The following RPS6KC1 variants were observed in gnomAD, a reference collection of about 807,000 sequenced individuals.
RPS6KC1 encodes the protein inactive ribosomal protein S6 kinase delta-1.
Under a neutral mutation model 103.8 loss-of-function variants are expected in RPS6KC1, and 54 were observed. That is an observed-to-expected ratio of 0.52 (90% CI 0.42 to 0.65). The LOEUF (loss-of-function observed/expected upper bound fraction) is 0.65. Ranked by LOEUF, RPS6KC1 falls within the 30% of genes least tolerant of loss-of-function variation. The pLI, the probability that RPS6KC1 is intolerant of heterozygous loss-of-function variation, is 0.00. For synonymous variants in RPS6KC1, 439 were observed against 438.7 expected (o/e 1.00, Z -0.01); for missense variants, 1,151 against 1,253.8 (o/e 0.92, Z 1.24).
At chr1:213,170,586 A>G (rs1314722857) in intron 7 of RPS6KC1, among the ~76,000 whole-genome samples, 1 of 152,244 alleles carries the variant, frequency 6.6e-6, no homozygotes, top group Non-Finnish European at 1.5e-5. Flanking sequence ...CAGAAAGGAT[A>G]AAAAGGAGTG....
At chr1:213,450,393 A>G in the RPS6KC1 span, among the ~76,000 whole-genome samples, 2 of 149,910 alleles carry the variant, frequency 1.3e-5, no homozygotes, top group Admixed American at 1.3e-4. Flanking sequence ...CCCGCAAATT[A>G]GCACCATTGG....
At chr1:213,304,397 AAAG>A in the RPS6KC1 span, among the ~76,000 whole-genome samples, 1 of 152,140 alleles carries the variant, frequency 6.6e-6, no homozygotes, top group Non-Finnish European at 1.5e-5. Flanking sequence ...AGAAACTTTC[AAAG>A]AAGAAACAAA....
At chr1:213,640,524 T>C in the RPS6KC1 span, among the ~76,000 whole-genome samples, 1 of 151,846 alleles carries the variant, frequency 6.6e-6, no homozygotes, top group East Asian at 1.9e-4. Flanking sequence ...CTCTTTCTAA[T>C]ACCATATAGG....
chr1:213,452,114 AC>A, the RPS6KC1 span, among the ~76,000 whole-genome samples: 1 of 152,226 alleles, frequency 6.6e-6, no homozygotes, highest in East Asian at 1.9e-4. Context: ...GTTCCCTCAC[AC>A]TTTTGAATCT....
chr1:213,343,361 G>A, the RPS6KC1 span, among the ~76,000 whole-genome samples: 2 of 31,938 alleles, frequency 6.3e-5, no homozygotes, highest in Non-Finnish European at 2.3e-4. Context: ...GCTGAAGAGA[G>A]GAGCTTAAAC....
the RPS6KC1 span, among the ~76,000 whole-genome samples, chr1:213,297,057 A>C: frequency 6.6e-6 from 1 of 152,158 alleles, no homozygotes; most frequent in Non-Finnish European, 1.5e-5. Flanking sequence ...CTCACAAACC[A>C]ACCAAAGCAG....
At chr1:213,359,375 C>A in the RPS6KC1 span, among the ~76,000 whole-genome samples, 1 of 152,126 alleles carries the variant, frequency 6.6e-6, no homozygotes, top group African/African-American at 2.4e-5. Flanking sequence ...ACTAGGATTG[C>A]AACCCTTGCC....
the RPS6KC1 span, among the ~76,000 whole-genome samples, chr1:213,460,555 T>C: frequency 6.6e-6 from 1 of 152,166 alleles, no homozygotes; most frequent in Non-Finnish European, 1.5e-5. Flanking sequence ...TGCCAGTCTA[T>C]GTCTTTTAAT....
At chr1:213,132,118 G>T (rs1053616160) in intron 6 of RPS6KC1, among the ~76,000 whole-genome samples, 14 of 152,168 alleles carry the variant, frequency 9.2e-5, no homozygotes, top group Non-Finnish European at 1.5e-5. Context: ...TAGTTACTTT[G>T]CTGATTATGG....
chr1:213,137,799 A>ATATAT (rs1572765998), intron 6 of RPS6KC1, among the ~76,000 whole-genome samples: 2 of 13,998 alleles, frequency 1.4e-4, no homozygotes, highest in African/African-American at 3.7e-4. Flanking sequence ...ATATATATAT[A>ATATAT]TTTTTTTTTT....
At chr1:213,392,321 C>T in the RPS6KC1 span, among the ~76,000 whole-genome samples, 14 of 152,048 alleles carry the variant, frequency 9.2e-5, no homozygotes, top group Admixed American at 2.0e-4. Flanking sequence ...AATAGTAACA[C>T]AGCACCTACA....
the RPS6KC1 span, among the ~76,000 whole-genome samples, chr1:213,635,672 G>C: frequency 9.9e-5 from 15 of 152,072 alleles, no homozygotes; most frequent in Non-Finnish European, 1.8e-4. Flanking sequence ...ATACTGAATG[G>C]GCAAAAACTG....
the RPS6KC1 span, among the ~76,000 whole-genome samples, chr1:213,285,114 C>T: frequency 2.6e-5 from 4 of 152,178 alleles, no homozygotes; most frequent in Non-Finnish European, 4.4e-5. Flanking sequence ...CTCACAGTTG[C>T]GGAGTCTGCA....
chr1:213,716,108 T>C, the RPS6KC1 span, among the ~76,000 whole-genome samples: 11 of 152,348 alleles, frequency 7.2e-5, no homozygotes, highest in South Asian at 2.3e-3. Context: ...CACATCACTA[T>C]ATCAAAGAAT....
At chr1:213,573,618 CTTAT>C in the RPS6KC1 span, among the ~76,000 whole-genome samples, 1 of 152,166 alleles carries the variant, frequency 6.6e-6, no homozygotes, top group Admixed American at 6.5e-5. Flanking sequence ...CAGCAAATGG[CTTAT>C]TTGTCAAAGA....
chr1:213,813,056 T>C, the RPS6KC1 span, among the ~76,000 whole-genome samples: 2 of 152,036 alleles, frequency 1.3e-5, no homozygotes, highest in Non-Finnish European at 2.9e-5. Context: ...ATCAAGACCT[T>C]CCTGGCCAAC....
chr1:213,812,610 T>C, the RPS6KC1 span, among the ~76,000 whole-genome samples: 7 of 152,204 alleles, frequency 4.6e-5, no homozygotes, highest in Admixed American at 6.5e-5. Flanking sequence ...CTGGTTCCCA[T>C]TGGACACCCT....
intron 8 of RPS6KC1, among the ~76,000 whole-genome samples, chr1:213,198,093 ATGTTT>A (rs1477385080): frequency 6.6e-6 from 1 of 151,532 alleles, no homozygotes; most frequent in Non-Finnish European, 1.5e-5. Context: ...GTGTATTTCG[ATGTTT>A]TGTTTTAAGA....
chr1:213,342,321 C>G, the RPS6KC1 span, among the ~76,000 whole-genome samples: 7 of 152,310 alleles, frequency 4.6e-5, no homozygotes, highest in South Asian at 1.2e-3. Flanking sequence ...TCAGTTTTTA[C>G]TGGAGAAGTT....
Sources: allele counts gnomAD v4.1 joint callset (sites outside exome capture counted in the v4.1 genomes callset), GRCh38; gene constraint gnomAD v4.1.1; transcripts MANE v1.5; gene names NCBI Gene and HGNC (gene_info 2026-07-23, HGNC 2026-07-21).